SLC2A9: variants seen among roughly 807,000 people sequenced by gnomAD.
SLC2A9 encodes solute carrier family 2 member 9.
Under a neutral mutation model 50.6 loss-of-function variants are expected in SLC2A9, and 39 were observed. The observed-to-expected ratio is 0.77, with a 90% CI of 0.60 to 1.01. SLC2A9 has a LOEUF of 1.01. SLC2A9 is among the 50% of genes least tolerant of loss of function. The pLI is 0.00. For missense variants in SLC2A9, 686 were observed against 677.6 expected, an observed-to-expected ratio of 1.01 and a Z score of -0.14; for synonymous variants, 324 against 276.9, an observed-to-expected ratio of 1.17 and a Z score of -1.69.
intron 5 of SLC2A9, 83 bp downstream of exon 5, chr4:9,980,509 A>T: frequency 6.3e-7 from 1 of 1,598,142 alleles, no homozygotes; most frequent in South Asian, 1.1e-5. Context: ...AAATACAGGG[A>T]CCAGCTTTTG....
chr4:10,038,024 G>A (rs1007580117), intron 1 of SLC2A9, among the ~76,000 whole-genome samples: 1 of 152,102 alleles, frequency 6.6e-6, no homozygotes, highest in Non-Finnish European at 1.5e-5. Flanking sequence ...AGGTGAGTGA[G>A]GTGAGTCTGG....
intron 7 of SLC2A9, among the ~76,000 whole-genome samples, chr4:9,916,044 C>T (rs900717533): frequency 6.6e-6 from 1 of 152,182 alleles, no homozygotes; most frequent in Non-Finnish European, 1.5e-5. Context: ...TTTCATGTCT[C>T]CTTCCCCTTG....
At chr4:9,782,477 C>A (rs546007578) in intron 3 of SLC2A9, 1 of 1,613,968 alleles carries the variant, frequency 6.2e-7, no homozygotes, top group South Asian at 1.1e-5. Flanking sequence ...CCGCTACAAG[C>A]GCAAGATGAC....
chr4:9,912,016 CAT>C (rs1320255649), intron 7 of SLC2A9, among the ~76,000 whole-genome samples: 2 of 152,174 alleles, frequency 1.3e-5, no homozygotes, highest in Non-Finnish European at 2.9e-5. Context: ...TGGAAACCAT[CAT>C]TCTCAGCAAA....
chr4:10,036,511 G>T (rs961355490), intron 1 of SLC2A9, among the ~76,000 whole-genome samples: 1 of 152,216 alleles, frequency 6.6e-6, no homozygotes, highest in African/African-American at 2.4e-5. Flanking sequence ...ATTCCATGTG[G>T]TGGTTTCAAT....
chr4:9,771,865 G>A (rs752199455), intron 1 of SLC2A9, among the ~76,000 whole-genome samples: 2 of 152,148 alleles, frequency 1.3e-5, no homozygotes, highest in African/African-American at 2.4e-5. Flanking sequence ...TCAGACAGGG[G>A]CAAGTGCAAA....
At chr4:9,776,738 T>G (rs11930806), downstream of SLC2A9, among the ~76,000 whole-genome samples, 3,046 of 152,068 alleles carry the variant, frequency 0.02, 102 homozygotes, top group African/African-American at 0.069. Flanking sequence ...AGCCTCCGAG[T>G]TCTTATAACA....
chr4:9,993,827 G>A (rs529589975), intron 3 of SLC2A9, among the ~76,000 whole-genome samples: 52 of 152,308 alleles, frequency 3.4e-4, no homozygotes, highest in Middle Eastern at 6.8e-3. Context: ...CATGTGGTAT[G>A]GCCCATCTCC....
chr4:9,839,258 G>A (rs985750923), intron 10 of SLC2A9, among the ~76,000 whole-genome samples: 5 of 152,136 alleles, frequency 3.3e-5, no homozygotes, highest in East Asian at 1.9e-4. Context: ...GATCATTAGA[G>A]AAATGTAAAT....
At chr4:10,022,170 G>A (rs185002484), upstream of SLC2A9, among the ~76,000 whole-genome samples, 274 of 152,264 alleles carry the variant, frequency 1.8e-3, no homozygotes, top group African/African-American at 6.3e-3. Context: ...TGTGTCCTCA[G>A]GCAAGTCACT....
At chr4:9,973,628 G>C (rs113533538) in intron 5 of SLC2A9, among the ~76,000 whole-genome samples, 1 of 146,020 alleles carries the variant, frequency 6.8e-6, no homozygotes, top group Non-Finnish European at 1.5e-5. Context: ...ACCAAACACC[G>C]CATGTTCTCA....
intron 2 of SLC2A9, among the ~76,000 whole-genome samples, chr4:9,997,430 A>G (rs34788376): frequency 0.041 from 6,303 of 152,248 alleles, 181 homozygotes; most frequent in South Asian, 0.082. Context: ...GTGGGCGCAG[A>G]GGCCCACACC....
At position 9,887,564 on chromosome 4, in the gene SLC2A9, T is replaced by A; in HGVS notation, c.1291+3A>T. 6.4e-7 allele frequency: 1 copy of A among 1,559,012 alleles called. No homozygotes were observed. Among genetic ancestry groups the A allele is most frequent in the Non-Finnish European group, 8.7e-7 (1 of 1,152,462 alleles). ...GGGCAGTGGGGAGGGTGGGGTGCCT[T>A]ACCTGGCCCACTGCAGAAAGAGGCG... On this transcript the variant is annotated splice_donor_region_variant and intron_variant, in intron 10 of 11. Transcript: ENST00000264784.
rs541060542 is a variant in SLC2A9, at chr4:10,008,125, C to T, written c.249+10850G>A. On this transcript the variant is annotated intron_variant, in intron 2 of 11. Coordinates refer to ENST00000264784, the MANE Select transcript of SLC2A9 (RefSeq NM_020041.3). ...CTCTCTGGCTGCAGCAACCACTGCC[C>T]CCACTGCACTAAGCTGAGCTTCCTG... Among the ~76,000 whole-genome samples, 4 of 152,344 alleles carry T rather than the reference C, an allele frequency of 2.6e-5. No homozygotes were observed. In the South Asian group the frequency reaches 8.3e-4, roughly 32 times the overall value.
chr4:9,847,652 C>T (rs1030741769), intron 10 of SLC2A9, among the ~76,000 whole-genome samples: 6 of 152,204 alleles, frequency 3.9e-5, no homozygotes, highest in Admixed American at 2.0e-4. Context: ...TTCAAGGAGC[C>T]GTCAGCATCT....
At chr4:9,971,660 A>C (rs1398622299) in intron 5 of SLC2A9, among the ~76,000 whole-genome samples, 3 of 152,248 alleles carry the variant, frequency 2.0e-5, no homozygotes, top group African/African-American at 4.8e-5. Context: ...ATGGTTAACC[A>C]GTGATTTTTT....
chr4:9,928,783 T>G (rs577320278), intron 6 of SLC2A9, among the ~76,000 whole-genome samples: 6 of 152,158 alleles, frequency 3.9e-5, no homozygotes, highest in East Asian at 1.9e-4. Context: ...ATCTGCACAT[T>G]CAAAAAGAAA....
At chr4:9,939,467 G>C (rs577399523) in intron 6 of SLC2A9, among the ~76,000 whole-genome samples, 2 of 152,338 alleles carry the variant, frequency 1.3e-5, no homozygotes, top group East Asian at 3.9e-4. Context: ...ACAGTGCCGA[G>C]CATGGTGCTA....
At chr4:9,772,190 C>T (rs547510703) in intron 1 of SLC2A9, among the ~76,000 whole-genome samples, 8 of 152,010 alleles carry the variant, frequency 5.3e-5, no homozygotes, top group Admixed American at 1.3e-4. Flanking sequence ...AGAGACCTGC[C>T]CAACAGCTCT....
Sources: allele counts gnomAD v4.1 joint callset (sites outside exome capture counted in the v4.1 genomes callset), GRCh38; gene constraint gnomAD v4.1.1; transcripts MANE v1.5; gene names NCBI Gene and HGNC (gene_info 2026-07-23, HGNC 2026-07-21).